Variants in NBPF19 observed in about 807,000 individuals in gnomAD.
The protein encoded by NBPF19 is NBPF family member NBPF19.
NBPF19 carries 30 observed loss-of-function variants against 45.9 expected under a neutral mutation model. The ratio of observed to expected loss-of-function variants is 0.65; its 90% CI spans 0.49 to 0.89. The LOEUF is 0.89. Among genes scored for constraint, NBPF19 ranks in the 40% least tolerant of loss-of-function variants. The pLI, the probability that NBPF19 is intolerant of heterozygous loss-of-function variation, is 0.00. For missense variants in NBPF19, 495 were observed against 471.8 expected, an observed-to-expected ratio of 1.05 and a Z score of -0.46; for synonymous variants, 183 against 181.2, an observed-to-expected ratio of 1.01 and a Z score of -0.08.
At chr1:149,478,154 A>G (rs1229050370) in intron 3 of NBPF19, 107 bp downstream of exon 3, 4 of 798,394 alleles carry the variant, frequency 5.0e-6, no homozygotes, top group Admixed American at 1.8e-5. Flanking sequence ...GGGGAAGGGC[A>G]GAAATTGCCA....
At position 149,554,733 on chromosome 1, in the gene NBPF19, C is replaced by G; in HGVS notation, c.11527C>G (p.Gln3843Glu). The stretch of plus-strand genomic sequence containing the variant: ...GTTCCAGATGTTAGTCATATTCCCA[C>G]AATAGGCAGCCCTTACTAAGCCGAG... ...LVFQMLVIFP[Q>E] is the part of the protein sequence containing the mutation. The change falls in exon 94 of 94, where the codon CAA (glutamine) becomes GAA (glutamate). Residue 3843 changes from glutamine to glutamate, a missense_variant. This residue lies in a region of NBPF19 where 248 missense variants were observed against 95.4 expected (regional missense o/e 2.60). Coordinates refer to ENST00000651566, the MANE Select transcript of NBPF19 (RefSeq NM_001351365.2). 2 of 1,608,166 alleles carry G rather than the reference C, an allele frequency of 1.2e-6. No individual in the cohort carries two copies. Among genetic ancestry groups the G allele is most frequent in the Non-Finnish European group, 8.5e-7 (1 of 1,176,642 alleles).
intron 5 of NBPF19, among the ~76,000 whole-genome samples, 171 bp downstream of exon 5, chr1:149,480,385 A>T (rs9441239): frequency 6.7e-6 from 1 of 148,586 alleles, no homozygotes; most frequent in Non-Finnish European, 1.5e-5. Flanking sequence ...ATGTTTCTCT[A>T]TGTGTGCTGA....
intron 2 of NBPF19, 60 bp from the exon 3 acceptor site, chr1:149,477,885 C>T: frequency 2.3e-6 from 2 of 866,216 alleles, no homozygotes; most frequent in Non-Finnish European, 1.9e-6. Context: ...GCCCTGTAGG[C>T]AGTGACCACA....
At position 149,479,035 on chromosome 1, in the gene NBPF19, A is replaced by C; in HGVS notation, c.434A>C (p.Gln145Pro). 1.3e-6 allele frequency: 2 copies of C among 1,574,194 alleles called. No homozygotes were observed. Among genetic ancestry groups the C allele is most frequent in the South Asian group, 1.1e-5 (1 of 90,390 alleles). ...GACAAGTCCCAGGGGCAGGACCTCC[A>C]AGAACAGCTGGCTGAGGGGTGTAGA... ...EPDKSQGQDL[Q>P]EQLAEGCRLA... is the part of the protein sequence containing the mutation. The change falls in exon 4 of 94, where the codon CAA becomes CCA. Residue 145 changes from glutamine to proline, a missense_variant. Gln to Pro is a moderately conservative substitution (Grantham distance 76). Around this residue, in one of 8 missense-constraint regions of NBPF19, gnomAD observed 5 missense variants for 27.0 expected, o/e 0.19. Coordinates refer to ENST00000651566, the MANE Select transcript of NBPF19 (RefSeq NM_001351365.2).
intron 9 of NBPF19, 62 bp downstream of exon 9, chr1:149,487,445 G>A (rs2085604860): frequency 1.1e-6 from 1 of 925,656 alleles, no homozygotes; most frequent in East Asian, 2.4e-5. Context: ...CCAAGTCCAG[G>A]GAAAACAGTA....
Position 149,554,740 on chromosome 1 carries a change from C to A in NBPF19, c.*2C>A, listed in dbSNP as rs2087204344. On this transcript the variant is annotated 3_prime_UTR_variant, in exon 94 of 94. Coordinates refer to ENST00000651566, the MANE Select transcript of NBPF19 (RefSeq NM_001351365.2). ...ATGTTAGTCATATTCCCACAATAGG[C>A]AGCCCTTACTAAGCCGAGAGATGTC... 6.2e-7 allele frequency: 1 copy of A among 1,607,944 alleles called. No homozygotes were observed. Among genetic ancestry groups the A allele is most frequent in the African/African-American group, 1.3e-5 (1 of 74,636 alleles).
intron 19 of NBPF19, among the ~76,000 whole-genome samples, chr1:149,495,680 C>CGTGTGT (rs1220744895): frequency 2.9e-5 from 1 of 34,978 alleles, no homozygotes; most frequent in Admixed American, 3.3e-4. Flanking sequence ...TGTGTGTGTG[C>CGTGTGT]GTGTGTGTGT....
chr1:149,477,846 G>A (rs2084936002), intron 2 of NBPF19, 99 bp from the exon 3 acceptor site: 5 of 806,866 alleles, frequency 6.2e-6, no homozygotes, highest in Non-Finnish European at 1.1e-5. Flanking sequence ...ACTGGGGAGA[G>A]TTTTGTCCTT....
intron 10 of NBPF19, 150 bp downstream of exon 10, chr1:149,488,335 C>G (rs1570990367): frequency 1.6e-6 from 1 of 638,262 alleles, no homozygotes; most frequent in Non-Finnish European, 2.8e-6. Context: ...AACTCTAGTT[C>G]CACTTGGCAG....
intron 93 of NBPF19, among the ~76,000 whole-genome samples, chr1:149,554,271 C>G (rs2087151335): frequency 1.3e-5 from 2 of 151,602 alleles, no homozygotes; most frequent in Non-Finnish European, 2.9e-5. Context: ...CACTTTCTCT[C>G]TGTCTCTGTC....
chr1:149,554,774 A>T lies in NBPF19; in HGVS notation c.*36A>T, dbSNP rs1412614361. 9 of 1,607,260 alleles carry T rather than the reference A, an allele frequency of 5.6e-6. No homozygotes were observed. The South Asian group carries it at 8.8e-5, about 16-fold the overall frequency. On this transcript the variant is annotated 3_prime_UTR_variant, in exon 94 of 94. Coordinates refer to ENST00000651566, the MANE Select transcript of NBPF19 (RefSeq NM_001351365.2). ...CTAAGCCGAGAGATGTCATTCCTGCAGGCAGGACCTATAGGCACGTGAAGA... is the reference window on the plus strand; with the variant it reads ...CTAAGCCGAGAGATGTCATTCCTGCTGGCAGGACCTATAGGCACGTGAAGA...
At chr1:149,487,509 A>G (rs2085617688) in intron 9 of NBPF19, 126 bp downstream of exon 9, 4 of 997,142 alleles carry the variant, frequency 4.0e-6, no homozygotes, top group Admixed American at 3.4e-5. Context: ...TATGCCTAAT[A>G]CATTGCTTTT....
At chr1:149,519,415 C>G (rs2086603213) in intron 49 of NBPF19, among the ~76,000 whole-genome samples, 1 of 16,372 alleles carries the variant, frequency 6.1e-5, no homozygotes, top group Non-Finnish European at 1.0e-4. Context: ...GTCACCTGGA[C>G]AATTCACTGA....
chr1:149,528,935 T>TTC (rs1201885403), intron 61 of NBPF19, among the ~76,000 whole-genome samples: 16 of 123,376 alleles, frequency 1.3e-4, no homozygotes, highest in African/African-American at 3.3e-4. Flanking sequence ...ACTGAGCTCG[T>TTC]TCTCTCTCTC....
chr1:149,486,215 T>A lies in NBPF19; in HGVS notation c.910T>A (p.Leu304Met). The A allele has an allele frequency of 5.8e-6, 3 of 520,650 alleles. No individual in the cohort carries two copies. Among genetic ancestry groups the A allele is most frequent in the Non-Finnish European group, 6.6e-6 (2 of 302,858 alleles). The allele number at this position is 520,650 out of a possible 1,614,324, so 32.3% of individuals were successfully genotyped here. The change falls in exon 8 of 94, where the codon TTG becomes ATG. Residue 304 changes from leucine (L) to methionine (M), a missense_variant. Physicochemically the swap from Leu to Met is conservative, Grantham distance 15. Transcript: ENST00000651566. The stretch of plus-strand genomic sequence containing the variant: ...GACTCTCTCAATTCCTCCTGAAATG[T>A]TGGCCTCGTACCAGTCTTACAGCAG... ...YSTLSIPPEM[L>M]ASYQSYSSTF...
chr1:149,554,758 G>T lies in NBPF19; in HGVS notation c.*20G>T. 2 of 1,607,792 alleles carry T rather than the reference G, an allele frequency of 1.2e-6. No individual in the cohort carries two copies. The highest frequency in any genetic ancestry group is 2.2e-5 in the East Asian group (1 of 44,834). On this transcript the variant is annotated 3_prime_UTR_variant, in exon 94 of 94. Coordinates refer to ENST00000651566, the MANE Select transcript of NBPF19 (RefSeq NM_001351365.2). ...CAATAGGCAGCCCTTACTAAGCCGA[G>T]AGATGTCATTCCTGCAGGCAGGACC...
intron 7 of NBPF19, among the ~76,000 whole-genome samples, chr1:149,484,437 G>A (rs1371029175): frequency 7.0e-6 from 1 of 143,326 alleles, no homozygotes; most frequent in African/African-American, 2.6e-5. Flanking sequence ...ATGTGGACAT[G>A]TATACATATG....
chr1:149,478,807 G>A lies in NBPF19; in HGVS notation c.279-73G>A, dbSNP rs1244997268. On this transcript the variant is annotated intron_variant, in intron 3 of 93. Transcript: ENST00000651566. ...TCTCCTTGAGGACATTGTCTCAGAA[G>A]TCTCTGTTGCAATATTTGAACGGAT... is the stretch of plus-strand genomic sequence containing the variant. 1.2e-5 allele frequency: 16 copies of A among 1,362,902 alleles called. 2 individuals are homozygous for A. Among genetic ancestry groups the A allele is most frequent in the South Asian group, 5.8e-5 (5 of 86,428 alleles). The allele number at this position is 1,362,902 out of a possible 1,614,324, so 84.4% of individuals were successfully genotyped here.
chr1:149,487,713 A>C (rs2085658062), intron 9 of NBPF19, among the ~76,000 whole-genome samples: 1 of 148,974 alleles, frequency 6.7e-6, no homozygotes, highest in African/African-American at 2.5e-5. Flanking sequence ...TGAGAGCACA[A>C]ATACAGAGTG....
Sources: gnomAD v4.1 joint callset for allele counts (sites outside exome capture counted in the v4.1 genomes callset) on GRCh38, gnomAD v4.1.1 for gene constraint, gnomAD v4.1.1 regional missense constraint, MANE v1.5 for transcripts, NCBI Gene and HGNC (gene_info 2026-07-23, HGNC 2026-07-21) for gene names.